Variants in UNC79 observed in about 807,000 individuals in gnomAD.
UNC79 encodes protein unc-79 homolog.
Under a neutral mutation model 283.1 loss-of-function variants are expected in UNC79, and 37 were observed. That is an observed-to-expected ratio of 0.13 (90% CI 0.10 to 0.17). The LOEUF (loss-of-function observed/expected upper bound fraction) is 0.17. Ranked by LOEUF, UNC79 falls within the 10% of genes least tolerant of loss-of-function variation. The probability of loss-of-function intolerance (pLI) is 1.00; values close to 1 mark genes in which losing one functional copy is unlikely to be tolerated. For synonymous variants in UNC79, 1,107 were observed against 1,200.2 expected (o/e 0.92, Z 1.61); for missense variants, 2,272 against 3,211.1 (o/e 0.71, Z 7.07).
At chr14:93,472,674 T>C (rs1019255393) in intron 2 of UNC79, among the ~76,000 whole-genome samples, 1 of 152,082 alleles carries the variant, frequency 6.6e-6, no homozygotes, top group African/African-American at 2.4e-5. Flanking sequence ...GAGCAAATAA[T>C]AAAAATAAAT....
At chr14:93,493,062 A>G (rs1320579119) in intron 5 of UNC79, among the ~76,000 whole-genome samples, 3 of 152,232 alleles carry the variant, frequency 2.0e-5, no homozygotes, top group Admixed American at 2.0e-4. Context: ...AAGTGCTTCA[A>G]GTATGTTATA....
chr14:93,706,892 T>C (rs1245789555), exon 49 of UNC79: 1 of 1,614,152 alleles, frequency 6.2e-7, no homozygotes, highest in Admixed American at 1.7e-5. Context: ...CCTCTCAATT[T>C]TATCCTCTAT....
chr14:93,547,919 T>G (rs960763158), intron 14 of UNC79, among the ~76,000 whole-genome samples: 1 of 152,006 alleles, frequency 6.6e-6, no homozygotes, highest in African/African-American at 2.4e-5. Context: ...ACTGGGAGGT[T>G]GAGACTGCAG....
intron 7 of UNC79, among the ~76,000 whole-genome samples, chr14:93,511,671 C>T (rs1189682498): frequency 1.3e-5 from 2 of 151,950 alleles, no homozygotes; most frequent in Non-Finnish European, 2.9e-5. Context: ...GGTCTCGATC[C>T]CTTGACCTCG....
intron 14 of UNC79, among the ~76,000 whole-genome samples, chr14:93,545,117 G>A (rs1489088827): frequency 6.6e-6 from 1 of 152,090 alleles, no homozygotes; most frequent in Admixed American, 6.5e-5. Flanking sequence ...CAAGACAGAA[G>A]GATCTAGTTT....
chr14:93,436,695 A>G (rs1182226460), intron 1 of UNC79, among the ~76,000 whole-genome samples: 1 of 152,208 alleles, frequency 6.6e-6, no homozygotes, highest in Non-Finnish European at 1.5e-5. Context: ...CTGCATAAAT[A>G]AACATATATA....
chr14:93,587,411 C>G (rs889145686), intron 22 of UNC79, among the ~76,000 whole-genome samples: 1 of 152,102 alleles, frequency 6.6e-6, no homozygotes, highest in East Asian at 1.9e-4. Context: ...CTTAAAATAA[C>G]TTTTGCAATC....
intron 22 of UNC79, among the ~76,000 whole-genome samples, chr14:93,588,866 C>G (rs2064434460): frequency 6.6e-6 from 1 of 150,756 alleles, no homozygotes; most frequent in African/African-American, 2.4e-5. Context: ...AGTGTGCGAT[C>G]AAGAACAAAA....
chr14:93,579,079 G>A (rs1307216427), intron 18 of UNC79, among the ~76,000 whole-genome samples: 1 of 152,082 alleles, frequency 6.6e-6, no homozygotes, highest in Non-Finnish European at 1.5e-5. Context: ...CTCAATTTGA[G>A]TTTGCCTGAT....
chr14:93,622,622 C>T (rs1216649940), exon 30 of UNC79: 4 of 1,614,078 alleles, frequency 2.5e-6, no homozygotes, highest in Non-Finnish European at 3.4e-6. Context: ...TGCAGAGAAC[C>T]CCACAGAAAG....
At chr14:93,424,083 C>A (rs563245664) in intron 1 of UNC79, among the ~76,000 whole-genome samples, 2 of 152,262 alleles carry the variant, frequency 1.3e-5, no homozygotes, top group South Asian at 4.1e-4. Context: ...CAAAAAATGT[C>A]ATACAAATGG....
chr14:93,418,156 A>G (rs891890093), intron 1 of UNC79, among the ~76,000 whole-genome samples: 7 of 151,338 alleles, frequency 4.6e-5, no homozygotes, highest in African/African-American at 1.7e-4. Context: ...GGTTTTATCT[A>G]CTTTTGGTCT....
chr14:93,533,375 A>G (rs904963575), intron 11 of UNC79, among the ~76,000 whole-genome samples: 4 of 152,202 alleles, frequency 2.6e-5, no homozygotes, highest in African/African-American at 7.2e-5. Context: ...TTTAATCACA[A>G]TTCTGTGGAT....
intron 7 of UNC79, among the ~76,000 whole-genome samples, chr14:93,499,874 T>C (rs2059198056): frequency 6.6e-6 from 1 of 150,562 alleles, no homozygotes; most frequent in African/African-American, 2.4e-5. Context: ...CAGAAACGGG[T>C]GAGGCATGAG....
At position 93,340,217 on chromosome 14, in the gene UNC79, C is replaced by T. The variant is rs144294767; in HGVS notation, c.-351+6694C>T. Among the ~76,000 whole-genome samples the T allele has an allele frequency of 3.0e-3, 451 of 152,170 alleles. 1 individual carries two copies. Among genetic ancestry groups the T allele is most frequent in the African/African-American group, 0.01 (425 of 41,526 alleles). On this transcript the variant is annotated intron_variant, in intron 1 of 49. Coordinates refer to the UNC79 transcript ENST00000256339. ...CAGCACTTTGGTAGGCCAAGGTGGG[C>T]GGATCGCGAGGTCAGGAGATCGAGA...
Position 93,688,733 on chromosome 14 carries a change from G to C in UNC79, c.6978G>C (p.Leu2326=). The C allele has an allele frequency of 6.2e-7, 1 of 1,614,068 alleles. No individual in the cohort carries two copies. Among genetic ancestry groups the C allele is most frequent in the Non-Finnish European group, 8.5e-7 (1 of 1,180,014 alleles). Reference sequence around the variant, plus strand: ...TTGGGGGACATCTCAAAGTGGGGCTGGCCCAGATTGCAGCCATGGACATCT... The same window carrying C: ...TTGGGGGACATCTCAAAGTGGGGCTCGCCCAGATTGCAGCCATGGACATCT... Residue 2326 remains leucine (L), a synonymous_variant, in exon 44 of 49, where the codon CTG becomes CTC. Transcript: ENST00000555664. The surrounding 1 kb of genome is among the most constrained non-coding windows in gnomAD (Gnocchi z 4.0).
At chr14:93,542,627 G>A (rs2061428190) in exon 14 of UNC79, 2 of 1,614,206 alleles carry the variant, frequency 1.2e-6, no homozygotes, top group Non-Finnish European at 1.7e-6. Context: ...AATGGCTGAA[G>A]ACCGTATGTG....
At chr14:93,541,208 C>T (rs1216690517) in intron 13 of UNC79, among the ~76,000 whole-genome samples, 1 of 152,120 alleles carries the variant, frequency 6.6e-6, no homozygotes, top group Non-Finnish European at 1.5e-5. Context: ...ATTCACATCC[C>T]ATCACCTATG....
rs546718816 is a variant in UNC79 at position 93,580,942 on chromosome 14, C to T, written c.2661+566C>T. Among the ~76,000 whole-genome samples the T allele has an allele frequency of 7.9e-4, 120 of 151,848 alleles. 2 individuals are homozygous for T. The South Asian group carries it at 0.024, about 31-fold the overall frequency. On this transcript the variant is annotated intron_variant, in intron 19 of 48. Coordinates refer to ENST00000555664, the Ensembl canonical transcript of UNC79. ...CAGGCTGGTCTTGAACTCCTGAGCT[C>T]AAGTGGTCTACCCTCCTCAACCTCC... is the stretch of plus-strand genomic sequence containing the variant.
Sources: gnomAD v4.1 joint callset for allele counts (sites outside exome capture counted in the v4.1 genomes callset) on GRCh38, gnomAD v4.1.1 for gene constraint, Gnocchi (gnomAD v3.1) non-coding constraint, MANE v1.5 for transcripts, NCBI Gene and HGNC (gene_info 2026-07-23, HGNC 2026-07-21) for gene names.